Variants in ZNF257 observed in about 807,000 individuals in gnomAD.
The protein encoded by ZNF257 is bone marrow zinc finger 4.
In ZNF257, 12 loss-of-function variants were observed where a neutral mutation model predicts 11.9. That is an observed-to-expected ratio of 1.01 (90% CI 0.65 to 1.63). The LOEUF (loss-of-function observed/expected upper bound fraction) is 1.63, where lower values mean the gene tolerates loss of function less well. Among genes scored for constraint, ZNF257 ranks in the 40% most tolerant of loss-of-function variants. The probability of loss-of-function intolerance (pLI) is 0.00; values close to 1 mark genes in which losing one functional copy is unlikely to be tolerated. For synonymous variants in ZNF257, 183 were observed against 222.7 expected (o/e 0.82, Z 1.59); for missense variants, 580 against 665.5 (o/e 0.87, Z 1.41).
intron 1 of ZNF257, chr19:22,066,203 G>A (rs537727854): frequency 2.6e-5 from 4 of 153,240 alleles, no homozygotes; most frequent in African/African-American, 9.6e-5. Flanking sequence ...TTTGAATGAG[G>A]TGGGCTGTCA....
intron 3 of ZNF257, among the ~76,000 whole-genome samples, chr19:22,085,705 C>G (rs1175713806): frequency 6.6e-6 from 1 of 152,046 alleles, no homozygotes. Flanking sequence ...CACACACACA[C>G]ACACAAACAC....
Position 22,073,032 on chromosome 19 carries a change from A to G in ZNF257, c.130+97A>G, listed in dbSNP as rs1242064151. Reference sequence around the variant, plus strand: ...TAGAATGTTTTTTGGTAATTTGGTAATTTTTGATAATTATGTTTTGCATAA... The same window carrying G: ...TAGAATGTTTTTTGGTAATTTGGTAGTTTTTGATAATTATGTTTTGCATAA... On this transcript the variant is annotated intron_variant, in intron 2 of 3. Transcript: ENST00000594947. The G allele has an allele frequency of 6.1e-6, 8 of 1,304,128 alleles. No individual in the cohort carries two copies. In the East Asian group the frequency reaches 1.9e-4, roughly 31 times the overall value. 80.8% of individuals were successfully genotyped at this position (1,304,128 alleles called of 1,614,324 possible). A position where few individuals can be genotyped will look rare whatever the true frequency, so the allele number is the denominator to read the frequency against.
At chr19:22,073,109 GA>G (rs922886842) in intron 2 of ZNF257, among the ~76,000 whole-genome samples, 174 bp downstream of exon 2, 5 of 150,870 alleles carry the variant, frequency 3.3e-5, no homozygotes, top group East Asian at 3.9e-4. Flanking sequence ...TGTCAGTGTA[GA>G]AAAAAAAATT....
chr19:22,062,640 A>C (rs1026728447), intron 1 of ZNF257, among the ~76,000 whole-genome samples: 12 of 151,218 alleles, frequency 7.9e-5, no homozygotes, highest in Middle Eastern at 3.5e-3. Context: ...GCGCCACCAC[A>C]CCCGGATAAT....
Position 22,089,703 on chromosome 19 carries a change from C to A in ZNF257, c.*261C>A. 1 of 798,718 alleles carries A rather than the reference C, an allele frequency of 1.3e-6. No homozygotes were observed. Among genetic ancestry groups the A allele is most frequent in the Non-Finnish European group, 1.8e-6 (1 of 556,212 alleles). The allele number at this position is 798,718 out of a possible 1,614,324, so 49.5% of individuals were successfully genotyped here. A position where few individuals can be genotyped will look rare whatever the true frequency, so the allele number is the denominator to read the frequency against. ...TGAGAACACATGTGGAAGATAAAGCCTACAAATATGAAGAATGTGACAAGG... is the reference window on the plus strand; with the variant it reads ...TGAGAACACATGTGGAAGATAAAGCATACAAATATGAAGAATGTGACAAGG... On this transcript the variant is annotated 3_prime_UTR_variant, in exon 4 of 4. Transcript: ENST00000594947.
At chr19:22,059,462 A>G (rs917264802) in intron 1 of ZNF257, among the ~76,000 whole-genome samples, 7 of 151,638 alleles carry the variant, frequency 4.6e-5, no homozygotes, top group African/African-American at 1.5e-4. Flanking sequence ...TAATTTTTGT[A>G]TTTTTGGAGG....
chr19:22,067,842 T>A (rs112912215), intron 1 of ZNF257, among the ~76,000 whole-genome samples: 3 of 144,658 alleles, frequency 2.1e-5, no homozygotes, highest in Middle Eastern at 3.2e-3. Flanking sequence ...TCAAAAAAAA[T>A]AAAAAATAAA....
chr19:22,081,079 A>G (rs1277690117), intron 3 of ZNF257, among the ~76,000 whole-genome samples: 2 of 151,822 alleles, frequency 1.3e-5, no homozygotes, highest in Admixed American at 1.3e-4. Flanking sequence ...GGGTTTCACC[A>G]TGTTAACCAG....
At chr19:22,072,962 C>A in intron 2 of ZNF257, 27 bp downstream of exon 2, 1 of 1,569,602 alleles carries the variant, frequency 6.4e-7, no homozygotes, top group South Asian at 1.2e-5. Flanking sequence ...TACTCAATTC[C>A]TAATATACTC....
chr19:22,078,908 T>C (rs2145710607), intron 3 of ZNF257, among the ~76,000 whole-genome samples: 1 of 151,542 alleles, frequency 6.6e-6, no homozygotes, highest in East Asian at 2.0e-4. Flanking sequence ...TTCTCCTGCC[T>C]CAGCCTCTCT....
At chr19:22,069,239 G>A (rs548408736) in intron 1 of ZNF257, among the ~76,000 whole-genome samples, 3 of 152,226 alleles carry the variant, frequency 2.0e-5, no homozygotes, top group African/African-American at 7.2e-5. Flanking sequence ...GATGAATTAA[G>A]CATCATATGG....
At chr19:22,059,589 A>G (rs2021737037) in intron 1 of ZNF257, among the ~76,000 whole-genome samples, 1 of 147,548 alleles carries the variant, frequency 6.8e-6, no homozygotes, top group Non-Finnish European at 1.5e-5. Context: ...TTCTAAGAAT[A>G]CTGGTCTCTA....
intron 3 of ZNF257, among the ~76,000 whole-genome samples, chr19:22,074,069 T>C (rs2022172176): frequency 6.7e-6 from 1 of 149,824 alleles, no homozygotes; most frequent in South Asian, 2.1e-4. Context: ...TCATTCTGCT[T>C]TTTTTTTCCT....
intron 2 of ZNF257, 28 bp downstream of exon 2, chr19:22,072,963 T>C (rs1308396726): frequency 6.4e-7 from 1 of 1,571,132 alleles, no homozygotes; most frequent in South Asian, 1.2e-5. Context: ...ACTCAATTCC[T>C]AATATACTCC....
intron 1 of ZNF257, among the ~76,000 whole-genome samples, chr19:22,059,747 G>T (rs1242377399): frequency 2.0e-5 from 3 of 150,988 alleles, no homozygotes; most frequent in African/African-American, 7.3e-5. Context: ...TTTGAAGAAA[G>T]GGTCTTACTC....
chr19:22,067,704 G>A (rs1490632134), intron 1 of ZNF257, among the ~76,000 whole-genome samples: 2 of 151,790 alleles, frequency 1.3e-5, no homozygotes, highest in African/African-American at 4.8e-5. Context: ...GCATGGTGGT[G>A]GGCGCCTGTA....
intron 1 of ZNF257, among the ~76,000 whole-genome samples, chr19:22,057,172 C>CT (rs2021664656): frequency 6.6e-6 from 1 of 152,112 alleles, no homozygotes; most frequent in African/African-American, 2.4e-5. Flanking sequence ...GAAAGGAATA[C>CT]TTTAACTTTT....
chr19:22,062,883 T>C (rs7253053), intron 1 of ZNF257, among the ~76,000 whole-genome samples: 36,927 of 152,124 alleles, frequency 0.24, 6,219 homozygotes, highest in African/African-American at 0.48. Flanking sequence ...GGGAAGATTT[T>C]CTTCTCATTT....
intron 3 of ZNF257, among the ~76,000 whole-genome samples, chr19:22,080,647 C>T (rs2022336562): frequency 6.6e-6 from 1 of 151,658 alleles, no homozygotes; most frequent in Non-Finnish European, 1.5e-5. Context: ...ATAATTTATA[C>T]AGTCTATAAT....
Sources: allele counts gnomAD v4.1 joint callset (sites outside exome capture counted in the v4.1 genomes callset), GRCh38; gene constraint gnomAD v4.1.1; transcripts MANE v1.5; gene names NCBI Gene and HGNC (gene_info 2026-07-23, HGNC 2026-07-21).